Variants in TOP3A observed in about 807,000 individuals in gnomAD.
TOP3A encodes the protein DNA topoisomerase III alpha.
TOP3A carries 64 observed loss-of-function variants against 111.3 expected under a neutral mutation model. That is an observed-to-expected ratio of 0.57 (90% CI 0.47 to 0.71). The LOEUF is 0.71. TOP3A is among the 30% of genes least tolerant of loss of function. TOP3A has a pLI of 0.00. For missense variants in TOP3A, 1,104 were observed against 1,285.0 expected (o/e 0.86, Z 2.15); for synonymous variants, 484 against 485.1 (o/e 1.00, Z 0.03).
intron 1 of TOP3A, among the ~76,000 whole-genome samples, chr17:18,311,596 A>C (rs1248218983): frequency 6.6e-6 from 1 of 152,206 alleles, no homozygotes; most frequent in Non-Finnish European, 1.5e-5. Context: ...GCTCAGCCCA[A>C]GTATTAATAT....
chr17:18,298,491 C>T (rs1317146012), intron 9 of TOP3A, among the ~76,000 whole-genome samples: 12 of 150,566 alleles, frequency 8.0e-5, no homozygotes, highest in Middle Eastern at 3.5e-3. Flanking sequence ...CGCCTCTGCC[C>T]GGCTGCCCCT....
intron 1 of TOP3A, chr17:18,312,272 G>A (rs12949078): frequency 1.3e-5 from 2 of 152,300 alleles, no homozygotes; most frequent in Non-Finnish European, 2.9e-5. Context: ...CCAGCAAAGG[G>A]GATGTCGCTA....
chr17:18,278,760 A>T (rs538388229), intron 17 of TOP3A, among the ~76,000 whole-genome samples: 20 of 152,184 alleles, frequency 1.3e-4, no homozygotes, highest in African/African-American at 4.3e-4. Context: ...CGGGCGGATC[A>T]CAAAATCAAG....
intron 9 of TOP3A, among the ~76,000 whole-genome samples, chr17:18,298,963 C>G (rs1044753363): frequency 6.6e-6 from 1 of 151,608 alleles, no homozygotes. Flanking sequence ...GACCTTTGTT[C>G]ACTTGTTTAT....
chr17:18,305,080 T>C, intron 5 of TOP3A, 32 bp downstream of exon 5: 2 of 1,574,562 alleles, frequency 1.3e-6, no homozygotes, highest in Non-Finnish European at 1.7e-6. Context: ...AGTTCCAAAG[T>C]AGAGAAAGTC....
chr17:18,306,534 A>ATTTT, intron 4 of TOP3A: 2 of 163,262 alleles, frequency 1.2e-5, no homozygotes, highest in Non-Finnish European at 2.6e-5. Flanking sequence ...GCCTGGTTAA[A>ATTTT]TTTTTTTTTT....
intron 10 of TOP3A, among the ~76,000 whole-genome samples, chr17:18,294,041 G>T (rs1252024184): frequency 6.6e-6 from 1 of 152,182 alleles, no homozygotes; most frequent in Non-Finnish European, 1.5e-5. Context: ...CTGCAGGCTG[G>T]ACAGCACAGT....
At chr17:18,280,452 A>G (rs1342593267) in intron 17 of TOP3A, 84 bp downstream of exon 17, 1 of 1,507,802 alleles carries the variant, frequency 6.6e-7, no homozygotes, top group Non-Finnish European at 9.0e-7. Flanking sequence ...AATCCCCGAC[A>G]CTCCTCTCTG....
At position 18,302,672 on chromosome 17, in the gene TOP3A, T is replaced by C. The variant is rs779643752; in HGVS notation, c.551A>G (p.His184Arg). 6.2e-7 allele frequency: 1 copy of C among 1,614,164 alleles called. No individual in the cohort carries two copies. Among genetic ancestry groups the C allele is most frequent in the Non-Finnish European group, 8.5e-7 (1 of 1,180,030 alleles). The change falls in exon 6 of 19, where the codon CAT (histidine) becomes CGT (arginine). Residue 184 changes from histidine to arginine, a missense_variant. Coordinates refer to ENST00000321105, the MANE Select transcript of TOP3A (RefSeq NM_004618.5). Reference sequence around the variant, plus strand: ...GTTTTCACAAGCTGTCCTGACGGCATGGGGTGTGATCTCAGAGAATCGGGC... The same window carrying C: ...GTTTTCACAAGCTGTCCTGACGGCACGGGGTGTGATCTCAGAGAATCGGGC... ...LRARFSEITP[H>R]AVRTACENLT... is the part of the protein sequence containing the mutation.
At position 18,308,875 on chromosome 17, in the gene TOP3A, C is replaced by T; in HGVS notation, c.240+7G>A. On this transcript the variant is annotated splice_region_variant and intron_variant, in intron 2 of 18. Transcript: ENST00000321105. ...TTGAAATATTTTAGAAATATTTTAG[C>T]ACCTACCTGGCCATACAGATGATAA... 1 of 1,552,950 alleles carries T rather than the reference C, an allele frequency of 6.4e-7. No individual in the cohort carries two copies. Among genetic ancestry groups the T allele is most frequent in the Non-Finnish European group, 8.8e-7 (1 of 1,141,302 alleles).
Position 18,290,690 on chromosome 17 carries a change from C to A in TOP3A, c.1468-4G>T. On this transcript the variant is annotated splice_polypyrimidine_tract_variant and splice_region_variant and intron_variant, in intron 12 of 18. Coordinates refer to ENST00000321105, the MANE Select transcript of TOP3A (RefSeq NM_004618.5). ...CTTGCTCATAGACAGGGAGGATCTA[C>A]AGGGAGCGGCAGGTGCAACAGTCAG... 6.3e-7 allele frequency: 1 copy of A among 1,589,256 alleles called. No individual in the cohort carries two copies.
rs146672820 is a variant in TOP3A at position 18,285,504 on chromosome 17, A to C, written c.1614T>G (p.His538Gln). ...EKHGIGTDAT[H>Q]AEHIETIKAR... ...CTTTGATGGTCTCGATGTGCTCCGC[A>C]TGAGTGGCATCCGTACCTGGAAGCC... The change falls in exon 14 of 19, where the codon CAT becomes CAG. Residue 538 changes from histidine (H) to glutamine (Q), a missense_variant. His to Gln is a conservative substitution (Grantham distance 24). Transcript: ENST00000321105. 2 of 1,613,896 alleles carry C rather than the reference A, an allele frequency of 1.2e-6. No individual in the cohort carries two copies. The highest frequency in any genetic ancestry group is 1.7e-6 in the Non-Finnish European group (2 of 1,180,024).
chr17:18,294,076 A>G (rs765569647), intron 10 of TOP3A, among the ~76,000 whole-genome samples: 1 of 152,192 alleles, frequency 6.6e-6, no homozygotes, highest in Non-Finnish European at 1.5e-5. Flanking sequence ...GCTGGGGTGT[A>G]TATGACTGGG....
intron 16 of TOP3A, among the ~76,000 whole-genome samples, chr17:18,281,872 C>T (rs962387363): frequency 1.3e-5 from 2 of 152,196 alleles, no homozygotes; most frequent in African/African-American, 2.4e-5. Context: ...CTGCCCACCA[C>T]GGCTGCTTGA....
At chr17:18,289,323 TTTG>T (rs376385801) in intron 13 of TOP3A, among the ~76,000 whole-genome samples, 98 of 147,832 alleles carry the variant, frequency 6.6e-4, no homozygotes, top group South Asian at 2.3e-3. Context: ...CCAGATCTGT[TTTG>T]TTGTTGTTGT....
chr17:18,307,422 C>A (rs760782466), intron 3 of TOP3A: 2 of 153,048 alleles, frequency 1.3e-5, no homozygotes, highest in African/African-American at 4.9e-5. Flanking sequence ...CACGGTGAAA[C>A]CCCGTCTCTA....
chr17:18,296,120 C>T (rs1159434370), intron 9 of TOP3A, among the ~76,000 whole-genome samples: 1 of 152,166 alleles, frequency 6.6e-6, no homozygotes, highest in Non-Finnish European at 1.5e-5. Flanking sequence ...CACAGACAGT[C>T]TGAGAACCAC....
intron 3 of TOP3A, among the ~76,000 whole-genome samples, chr17:18,308,104 C>T (rs967284176): frequency 7.0e-6 from 1 of 143,726 alleles, no homozygotes; most frequent in Non-Finnish European, 1.5e-5. Context: ...CCCAGCTACT[C>T]GGGAGGGTGA....
At position 18,278,463 on chromosome 17, in the gene TOP3A, T is replaced by C. The variant is rs1597954666; in HGVS notation, c.2145-106A>G. 7 of 1,085,952 alleles carry C rather than the reference T, an allele frequency of 6.4e-6. No homozygotes were observed. The East Asian group carries it at 1.9e-4, about 29-fold the overall frequency. The allele number at this position is 1,085,952 out of a possible 1,614,324, so 67.3% of individuals were successfully genotyped here. On this transcript the variant is annotated intron_variant, in intron 17 of 18. Transcript: ENST00000321105. Reference sequence around the variant, plus strand: ...CTAGGCCTCTCTCCACCATTCCTTATGCATCAGGAAGCCCACACAAGTCCC... The same window carrying C: ...CTAGGCCTCTCTCCACCATTCCTTACGCATCAGGAAGCCCACACAAGTCCC...
Sources: allele counts gnomAD v4.1 joint callset (sites outside exome capture counted in the v4.1 genomes callset), GRCh38; gene constraint gnomAD v4.1.1; transcripts MANE v1.5; gene names NCBI Gene and HGNC (gene_info 2026-07-23, HGNC 2026-07-21).